The following SLC22A23 variants were observed in gnomAD, a reference collection of about 807,000 sequenced individuals.
SLC22A23 encodes solute carrier family 22 member 23.
Under a neutral mutation model 61.0 loss-of-function variants are expected in SLC22A23, and 26 were observed. The ratio of observed to expected loss-of-function variants is 0.43; its 90% confidence interval spans 0.31 to 0.59. The LOEUF (loss-of-function observed/expected upper bound fraction) is 0.59. Among genes scored for constraint, SLC22A23 ranks in the 20% least tolerant of loss-of-function variants. The pLI, the probability that SLC22A23 is intolerant of heterozygous loss-of-function variation, is 0.11. For missense variants in SLC22A23, 796 were observed against 934.7 expected (o/e 0.85, Z 1.94); for synonymous variants, 430 against 413.9 (o/e 1.04, Z -0.47).
At chr6:3,275,781 G>A (rs553844380) in intron 9 of SLC22A23, among the ~76,000 whole-genome samples, 71 of 152,304 alleles carry the variant, frequency 4.7e-4, no homozygotes, top group Middle Eastern at 6.8e-3. Context: ...TCGGGGTTTC[G>A]CTGTGTTAGC....
At position 3,419,324 on chromosome 6, in the gene SLC22A23, G is replaced by A. The variant is rs1474840081; in HGVS notation, c.655-3469C>T. On this transcript the variant is annotated intron_variant, in intron 1 of 9. Coordinates refer to ENST00000406686, the MANE Select transcript of SLC22A23 (RefSeq NM_015482.2). ...CCCGATTTATAGGGATGGGGCAGGC[G>A]CTCACTCATGTGATTCCAGTCTCCT... 7.9e-5 allele frequency among the ~76,000 whole-genome samples: 12 copies of A among 152,220 alleles called. No individual in the cohort carries two copies. The East Asian group carries it at 9.7e-4, about 12-fold the overall frequency.
chr6:3,428,271 A>G (rs1204060053), intron 1 of SLC22A23, among the ~76,000 whole-genome samples: 1 of 151,904 alleles, frequency 6.6e-6, no homozygotes, highest in Non-Finnish European at 1.5e-5. Flanking sequence ...GCCCCTCCTC[A>G]CCCTCCAGGC....
At chr6:3,298,544 T>G (rs972673443) in intron 4 of SLC22A23, among the ~76,000 whole-genome samples, 6 of 151,730 alleles carry the variant, frequency 4.0e-5, no homozygotes, top group Non-Finnish European at 7.4e-5. Context: ...GGGGGGAAAC[T>G]GGGGATAGGG....
chr6:3,348,734 T>C (rs954130396), intron 3 of SLC22A23, among the ~76,000 whole-genome samples: 3 of 152,166 alleles, frequency 2.0e-5, no homozygotes, highest in African/African-American at 4.8e-5. Context: ...ACTAGCAAAC[T>C]GTCCAAGGAA....
Position 3,333,451 on chromosome 6 carries a change from T to C in SLC22A23, c.914-9449A>G, listed in dbSNP as rs1266775235. On this transcript the variant is annotated intron_variant, in intron 3 of 9. Coordinates refer to ENST00000406686, the MANE Select transcript of SLC22A23 (RefSeq NM_015482.2). The surrounding 1 kb of genome is among the most constrained non-coding windows in gnomAD (Gnocchi z 4.1). ...CCCCTCCCGCATCCCTCAGACCACA[T>C]CACCTGCCCCTCCCCGCCCCATCGC... Among the ~76,000 whole-genome samples, 1 of 151,690 alleles carries C rather than the reference T, an allele frequency of 6.6e-6. No homozygotes were observed. The highest frequency in any genetic ancestry group is 1.5e-5 in the Non-Finnish European group (1 of 67,944).
chr6:3,365,983 C>G (rs1340620864), intron 3 of SLC22A23, among the ~76,000 whole-genome samples: 1 of 152,144 alleles, frequency 6.6e-6, no homozygotes, highest in Admixed American at 6.5e-5. Context: ...GTGTGCATGT[C>G]ATCATGCACC....
At chr6:3,321,857 G>A (rs1762971939) in intron 4 of SLC22A23, among the ~76,000 whole-genome samples, 1 of 152,224 alleles carries the variant, frequency 6.6e-6, no homozygotes, top group Non-Finnish European at 1.5e-5. Flanking sequence ...AATCTGCTGG[G>A]GTAGGGACAT....
chr6:3,434,179 G>A (rs1010856379), intron 1 of SLC22A23, among the ~76,000 whole-genome samples: 1 of 151,832 alleles, frequency 6.6e-6, no homozygotes, highest in South Asian at 2.1e-4. Flanking sequence ...CAGGTGTGGT[G>A]GTGCATGCCT....
chr6:3,283,233 A>ACCAGCCTGG (rs1199940158), intron 9 of SLC22A23, among the ~76,000 whole-genome samples: 11 of 152,146 alleles, frequency 7.2e-5, no homozygotes, highest in Non-Finnish European at 1.3e-4. Flanking sequence ...GGAGTTCGAG[A>ACCAGCCTGG]CCAGCCTGGC....
chr6:3,426,372 T>C (rs1770491796), intron 1 of SLC22A23, among the ~76,000 whole-genome samples: 1 of 152,168 alleles, frequency 6.6e-6, no homozygotes, highest in African/African-American at 2.4e-5. Flanking sequence ...CAGGGACGCA[T>C]GACTCTCCCA....
intron 8 of SLC22A23, 109 bp from the exon 9 acceptor site, chr6:3,284,084 G>A (rs2127310166): frequency 1.8e-6 from 2 of 1,140,214 alleles, no homozygotes; most frequent in East Asian, 5.2e-5. Context: ...CCAGCTTGCG[G>A]CATGGATGGG....
At chr6:3,411,143 G>T (rs1024103073) in intron 2 of SLC22A23, among the ~76,000 whole-genome samples, 3 of 151,804 alleles carry the variant, frequency 2.0e-5, no homozygotes, top group Admixed American at 2.0e-4. Context: ...CACAAGAATG[G>T]GGAAGTCACC....
intron 4 of SLC22A23, chr6:3,323,536 T>C (rs529054167): frequency 2.3e-5 from 11 of 481,330 alleles, no homozygotes; most frequent in South Asian, 1.6e-4. Context: ...CATGTCAGAA[T>C]AACCCCGTGG....
chr6:3,280,732 G>A (rs1759394580), intron 9 of SLC22A23, among the ~76,000 whole-genome samples: 1 of 152,026 alleles, frequency 6.6e-6, no homozygotes, highest in African/African-American at 2.4e-5. Flanking sequence ...TCCTGACCTC[G>A]TGATCTGCCC....
chr6:3,280,269 C>T (rs940767947), intron 9 of SLC22A23, among the ~76,000 whole-genome samples: 9 of 152,110 alleles, frequency 5.9e-5, no homozygotes, highest in African/African-American at 1.2e-4. Context: ...TAAAGCCGGC[C>T]GAGGGACCCA....
At chr6:3,425,709 AAGCACCCTGAC>A (rs1346063151) in intron 1 of SLC22A23, among the ~76,000 whole-genome samples, 8 of 152,180 alleles carry the variant, frequency 5.3e-5, no homozygotes, top group African/African-American at 1.4e-4. Flanking sequence ...TGCTTTGACT[AAGCACCCTGAC>A]AGCACAACAG....
chr6:3,374,278 A>G (rs1301461945), intron 3 of SLC22A23, among the ~76,000 whole-genome samples: 1 of 152,246 alleles, frequency 6.6e-6, no homozygotes, highest in Admixed American at 6.5e-5. Flanking sequence ...AGCCTGGTAT[A>G]TCTTTGGGTT....
In SLC22A23 at chr6:3,355,604, G is replaced by A. The variant is rs1010508093; in HGVS notation, c.914-31602C>T. Among the ~76,000 whole-genome samples the A allele has an allele frequency of 2.6e-5, 4 of 152,144 alleles. No homozygotes were observed. In the South Asian group the frequency reaches 8.3e-4, roughly 32 times the overall value. On this transcript the variant is annotated intron_variant, in intron 3 of 9. Transcript: ENST00000406686. ...TACCGTTCTCATGAGTCTGGGCTAG[G>A]TCTGGGCCCTCCCGCCCCGCTCCCT...
rs1758471047 is a variant in SLC22A23 at position 3,271,480 on chromosome 6, A to C, written c.*1575T>G. ...CCGGGTGGAAAGCCAGAAGGGGAGA[A>C]GGTCAACCCCTTTTCTGCCCTGTGA... On this transcript the variant is annotated 3_prime_UTR_variant, in exon 10 of 10. Coordinates refer to ENST00000406686, the MANE Select transcript of SLC22A23 (RefSeq NM_015482.2). 6.6e-6 allele frequency: 1 copy of C among 152,404 alleles called. No homozygotes were observed. The highest frequency in any genetic ancestry group is 1.5e-5 in the Non-Finnish European group (1 of 68,080). 9.4% of individuals were successfully genotyped at this position (152,404 alleles called of 1,614,324 possible).
Sources: allele counts gnomAD v4.1 joint callset (sites outside exome capture counted in the v4.1 genomes callset), GRCh38; gene constraint gnomAD v4.1.1; non-coding constraint Gnocchi (gnomAD v3.1); transcripts MANE v1.5; gene names NCBI Gene and HGNC (gene_info 2026-07-23, HGNC 2026-07-21).